Variants in MGST2 observed in about 807,000 individuals in gnomAD.
The protein encoded by MGST2 is glutathione peroxidase MGST2.
In MGST2, 9 loss-of-function variants were observed where a neutral mutation model predicts 16.6. That is an observed-to-expected ratio of 0.54 (90% CI 0.33 to 0.95). MGST2 has a LOEUF of 0.95. Among genes scored for constraint, MGST2 ranks in the 40% least tolerant of loss-of-function variants. The pLI, the probability that MGST2 is intolerant of heterozygous loss-of-function variation, is 0.03. For missense variants in MGST2, 159 were observed against 175.1 expected (o/e 0.91, Z 0.52); for synonymous variants, 79 against 68.0 (o/e 1.16, Z -0.79).
Position 139,703,403 on chromosome 4 carries a change from A to G in MGST2, c.230-52A>G, listed in dbSNP as rs893647292. Reference sequence around the variant, plus strand: ...CTCAGTCGTCGTACAACATCTTAAGAGACTGCTGTTGTATTTTGTGCCTTT... The same window carrying G: ...CTCAGTCGTCGTACAACATCTTAAGGGACTGCTGTTGTATTTTGTGCCTTT... On this transcript the variant is annotated intron_variant, in intron 3 of 4. Transcript: ENST00000265498. The G allele has an allele frequency of 3.6e-6, 5 of 1,398,484 alleles. No individual in the cohort carries two copies. In the African/African-American group the frequency reaches 7.1e-5, roughly 20 times the overall value. The allele number at this position is 1,398,484 out of a possible 1,614,324, so 86.6% of individuals were successfully genotyped here.
chr4:139,716,281 A>G (rs111798554), intron 5 of MGST2, among the ~76,000 whole-genome samples: 165 of 152,328 alleles, frequency 1.1e-3, no homozygotes, highest in Middle Eastern at 3.4e-3. Context: ...TGAGATGCAA[A>G]GAAGTGGCCT....
At chr4:139,698,639 G>A (rs1230672252) in intron 3 of MGST2, 2 of 857,722 alleles carry the variant, frequency 2.3e-6, no homozygotes, top group South Asian at 2.8e-5. Flanking sequence ...GGAGAGCCAA[G>A]TATGTGTTTC....
chr4:139,707,466 G>T (rs1406206429), downstream of MGST2, among the ~76,000 whole-genome samples: 2 of 152,096 alleles, frequency 1.3e-5, no homozygotes, highest in Non-Finnish European at 2.9e-5. Context: ...GGACATTTGG[G>T]TTGGTTCCAA....
At chr4:139,737,777 G>A (rs1729003485) in intron 5 of MGST2, among the ~76,000 whole-genome samples, 1 of 152,194 alleles carries the variant, frequency 6.6e-6, no homozygotes, top group Admixed American at 6.5e-5. Context: ...AATTTTTACT[G>A]TGGGTTTGGA....
chr4:139,719,666 G>A (rs1220641527), intron 5 of MGST2: 2 of 1,613,192 alleles, frequency 1.2e-6, no homozygotes, highest in South Asian at 2.2e-5. Flanking sequence ...CCGACCCATG[G>A]CAGCTGGGTT....
In MGST2 at chr4:139,703,467, G is replaced by A. The variant is rs200708690; in HGVS notation, c.242G>A (p.Cys81Tyr). ...GWYFNQVFAT[C>Y]LGLVYIYGRH... Reference sequence around the variant, plus strand: ...CACCCCCCTATAGTTTTTGCTACTTGTCTGGGTCTGGTGTACATATATGGC... The same window carrying A: ...CACCCCCCTATAGTTTTTGCTACTTATCTGGGTCTGGTGTACATATATGGC... The change falls in exon 4 of 5, where the codon TGT becomes TAT. Residue 81 changes from cysteine (C) to tyrosine (Y), a missense_variant. Cys to Tyr is a radical substitution (Grantham distance 194, BLOSUM62 -2). Transcript: ENST00000265498. 7 of 1,613,018 alleles carry A rather than the reference G, an allele frequency of 4.3e-6. No individual in the cohort carries two copies. Among genetic ancestry groups the A allele is most frequent in the South Asian group, 2.2e-5 (2 of 91,034 alleles).
chr4:139,691,553 A>T (rs2110865689), intron 2 of MGST2, among the ~76,000 whole-genome samples: 1 of 152,228 alleles, frequency 6.6e-6, no homozygotes, highest in Non-Finnish European at 1.5e-5. Context: ...GGTGACAATT[A>T]GCAGGTAGAA....
chr4:139,698,085 AG>A (rs1727027534), intron 3 of MGST2: 1 of 959,540 alleles, frequency 1.0e-6, no homozygotes, highest in Admixed American at 2.8e-5. Flanking sequence ...TACCAATAAC[AG>A]GAAGAAGAGA....
chr4:139,683,802 T>C (rs2646066), intron 2 of MGST2, among the ~76,000 whole-genome samples: 90,984 of 151,962 alleles, frequency 0.6, 28,880 homozygotes, highest in African/African-American at 0.81. Context: ...TTCCATGTGG[T>C]TGGGGAAGCC....
At chr4:139,719,625 C>T in intron 5 of MGST2, 1 of 1,612,484 alleles carries the variant, frequency 6.2e-7, no homozygotes, top group Non-Finnish European at 8.5e-7. Context: ...TGGCTGGTGC[C>T]TTGCTGCCCC....
At chr4:139,683,924 T>G (rs1030398517) in intron 2 of MGST2, among the ~76,000 whole-genome samples, 2 of 128,214 alleles carry the variant, frequency 1.6e-5, no homozygotes, top group Admixed American at 7.5e-5. Flanking sequence ...TTTGTGTTTT[T>G]TTTTTTTTTT....
chr4:139,681,902 T>C (rs115484932), intron 2 of MGST2, among the ~76,000 whole-genome samples: 268 of 152,086 alleles, frequency 1.8e-3, no homozygotes, highest in African/African-American at 6.2e-3. Flanking sequence ...TATAAGAAAA[T>C]AATATAAGCT....
At chr4:139,749,230 C>T in the MGST2 span, among the ~76,000 whole-genome samples, 11 of 152,240 alleles carry the variant, frequency 7.2e-5, no homozygotes, top group African/African-American at 2.6e-4. Flanking sequence ...TCATATTTGA[C>T]CTAATGCTTT....
At chr4:139,694,453 C>T (rs1234393438) in intron 2 of MGST2, among the ~76,000 whole-genome samples, 1 of 152,028 alleles carries the variant, frequency 6.6e-6, no homozygotes, top group Non-Finnish European at 1.5e-5. Context: ...GCTCGGCCAA[C>T]CTAACCAAGA....
intron 2 of MGST2, among the ~76,000 whole-genome samples, chr4:139,689,985 C>T (rs114722171): frequency 0.014 from 2,156 of 152,200 alleles, 29 homozygotes; most frequent in Non-Finnish European, 0.023. Flanking sequence ...AAAATCCTAT[C>T]CTTTAATTAA....
chr4:139,681,284 C>T (rs1487375548), intron 2 of MGST2, among the ~76,000 whole-genome samples: 1 of 152,214 alleles, frequency 6.6e-6, no homozygotes, highest in African/African-American at 2.4e-5. Context: ...TCCCAAAGTG[C>T]TGGGAATACA....
chr4:139,737,682 A>G (rs1015201443), intron 5 of MGST2, among the ~76,000 whole-genome samples: 2 of 152,240 alleles, frequency 1.3e-5, no homozygotes, highest in African/African-American at 4.8e-5. Context: ...ACAAAATAAA[A>G]TAAAACCTTA....
intron 2 of MGST2, among the ~76,000 whole-genome samples, chr4:139,688,958 A>G (rs1726408795): frequency 6.6e-6 from 1 of 152,088 alleles, no homozygotes; most frequent in African/African-American, 2.4e-5. Flanking sequence ...AATTACAAAA[A>G]TTAGCTGGGC....
rs1053479148 is a variant in MGST2 at position 139,703,596 on chromosome 4, A to G, written c.311+60A>G. The G allele has an allele frequency of 1.4e-5, 21 of 1,477,982 alleles. 1 individual carries two copies. The highest frequency in any genetic ancestry group is 1.9e-5 in the Non-Finnish European group (20 of 1,057,092). 91.6% of individuals were successfully genotyped at this position (1,477,982 alleles called of 1,614,324 possible). A position where few individuals can be genotyped will look rare whatever the true frequency, so the allele number is the denominator to read the frequency against. The stretch of plus-strand genomic sequence containing the variant: ...AAAGTAGCAGGATAAGGTCTGGGTC[A>G]GTTTCCTTCTCCTGAGAGATATTAA... On this transcript the variant is annotated intron_variant, in intron 4 of 4. Transcript: ENST00000265498.
Sources: gnomAD v4.1 joint callset for allele counts (sites outside exome capture counted in the v4.1 genomes callset) on GRCh38, gnomAD v4.1.1 for gene constraint, MANE v1.5 for transcripts, NCBI Gene and HGNC (gene_info 2026-07-23, HGNC 2026-07-21) for gene names.